Variants in BNC2 observed in about 807,000 individuals in gnomAD.
BNC2 encodes the protein zinc finger protein basonuclin-2.
In BNC2, 20 loss-of-function variants were observed where a neutral mutation model predicts 76.3. The ratio of observed to expected loss-of-function variants is 0.26; its 90% CI spans 0.18 to 0.38. BNC2 has a LOEUF of 0.38. Ranked by LOEUF, BNC2 falls within the 10% of genes least tolerant of loss-of-function variation. The probability of loss-of-function intolerance (pLI) is 1.00; values close to 1 mark genes in which losing one functional copy is unlikely to be tolerated. For missense variants in BNC2, 1,382 were observed against 1,399.8 expected, an observed-to-expected ratio of 0.99 and a Z score of 0.20; for synonymous variants, 582 against 514.8, an observed-to-expected ratio of 1.13 and a Z score of -1.77.
At chr9:16,539,182 A>T (rs1197755890) in intron 5 of BNC2, among the ~76,000 whole-genome samples, 3 of 152,120 alleles carry the variant, frequency 2.0e-5, no homozygotes, top group Non-Finnish European at 4.4e-5. Flanking sequence ...TGAATCCTCA[A>T]AACAGGGGGA....
At chr9:16,473,382 G>T (rs565303802) in intron 5 of BNC2, 3 of 152,090 alleles carry the variant, frequency 2.0e-5, no homozygotes, top group African/African-American at 7.2e-5. Context: ...AGGGATATGA[G>T]GTAGCACTTA....
intron 3 of BNC2, among the ~76,000 whole-genome samples, chr9:16,725,217 T>TCACA (rs4007689): frequency 0.13 from 18,694 of 148,076 alleles, 1,153 homozygotes; most frequent in East Asian, 0.22. Context: ...TCTCTCTCTC[T>TCACA]CACACACACA....
intron 3 of BNC2, among the ~76,000 whole-genome samples, chr9:16,615,171 A>G (rs1468566799): frequency 6.6e-6 from 1 of 152,146 alleles, no homozygotes; most frequent in African/African-American, 2.4e-5. Flanking sequence ...AATGGTGGGC[A>G]GCTCATAGGT....
chr9:16,518,139 A>T (rs1023212135), intron 5 of BNC2, among the ~76,000 whole-genome samples: 3 of 152,200 alleles, frequency 2.0e-5, no homozygotes, highest in Non-Finnish European at 2.9e-5. Context: ...AATTAAATTT[A>T]AAAATATGGC....
At chr9:16,769,139 C>A (rs1440152215) in intron 1 of BNC2, among the ~76,000 whole-genome samples, 1 of 152,182 alleles carries the variant, frequency 6.6e-6, no homozygotes, top group Non-Finnish European at 1.5e-5. Flanking sequence ...GCAGCTTAAA[C>A]TTGAAGTCAA....
At chr9:16,528,437 C>G (rs563977438) in intron 5 of BNC2, among the ~76,000 whole-genome samples, 1 of 152,238 alleles carries the variant, frequency 6.6e-6, no homozygotes, top group East Asian at 1.9e-4. Context: ...TTTCAGAACA[C>G]TGAGTTGAGA....
chr9:16,837,990 C>A (rs369566696), intron 1 of BNC2, among the ~76,000 whole-genome samples: 56 of 152,098 alleles, frequency 3.7e-4, no homozygotes, highest in Non-Finnish European at 7.4e-4. Context: ...TTTTATGATA[C>A]CTGGTATAAA....
rs989661673 is a variant in BNC2, at chr9:16,417,272, T to A, written c.*1717A>T. 2.0e-5 allele frequency: 3 copies of A among 152,632 alleles called. No homozygotes were observed. The highest frequency in any genetic ancestry group is 2.1e-4 in the South Asian group (1 of 4,830). The allele number at this position is 152,632 out of a possible 1,614,324, so 9.5% of individuals were successfully genotyped here. A position where few individuals can be genotyped will look rare whatever the true frequency, so the allele number is the denominator to read the frequency against. On this transcript the variant is annotated 3_prime_UTR_variant, in exon 7 of 7. Transcript: ENST00000380672. ...ATGTTGTGGTAGCTGAGGCTGCCGA[T>A]GTGGTTAACCAGCTCAGGCAACATG...
At chr9:16,791,882 C>A (rs1188754873) in intron 1 of BNC2, among the ~76,000 whole-genome samples, 1 of 152,132 alleles carries the variant, frequency 6.6e-6, no homozygotes, top group Non-Finnish European at 1.5e-5. Context: ...GCAGGTGGAT[C>A]ACTTAAGCCC....
intron 5 of BNC2, among the ~76,000 whole-genome samples, chr9:16,503,764 G>T (rs772624414): frequency 9.9e-5 from 15 of 152,002 alleles, no homozygotes; most frequent in Non-Finnish European, 1.8e-4. Context: ...AATATATATG[G>T]ATATACAAAC....
intron 5 of BNC2, among the ~76,000 whole-genome samples, chr9:16,507,542 C>A (rs189163635): frequency 6.6e-6 from 1 of 152,314 alleles, no homozygotes; most frequent in African/African-American, 2.4e-5. Flanking sequence ...GATTCTCCTG[C>A]CTCAGCCTCC....
intron 5 of BNC2, among the ~76,000 whole-genome samples, chr9:16,463,248 T>C (rs1261411087): frequency 1.3e-5 from 2 of 151,558 alleles, no homozygotes; most frequent in African/African-American, 4.9e-5. Flanking sequence ...TTAACAAAAA[T>C]GACTATGCTG....
At chr9:16,747,134 C>T (rs999386180) in intron 1 of BNC2, among the ~76,000 whole-genome samples, 2 of 152,082 alleles carry the variant, frequency 1.3e-5, no homozygotes, top group African/African-American at 2.4e-5. Context: ...ACAAGCACAA[C>T]CACTGCTTGA....
intron 1 of BNC2, among the ~76,000 whole-genome samples, chr9:16,813,267 T>A (rs377368390): frequency 1.5e-5 from 2 of 137,150 alleles, no homozygotes; most frequent in African/African-American, 6.0e-5. Context: ...AGAAAAACCA[T>A]TTTTTTTTTT....
In BNC2 at chr9:16,567,926, GA is replaced by G. The variant is rs560164277; in HGVS notation, c.433+15056del. The stretch of plus-strand genomic sequence containing the variant: ...GAATAAAACAATTAAAAATCTGTAC[GA>G]AAAGGGTCTAAATGGAAACCTGTTA... On this transcript the variant is annotated intron_variant, in intron 4 of 6. Coordinates refer to ENST00000380672, the MANE Select transcript of BNC2 (RefSeq NM_017637.6). Among the ~76,000 whole-genome samples the G allele has an allele frequency of 3.2e-4, 48 of 152,240 alleles. 1 individual carries two copies. The East Asian group carries it at 8.9e-3, about 28-fold the overall frequency.
chr9:16,437,302 G>C lies in BNC2; in HGVS notation c.892C>G (p.Leu298Val). Reference protein sequence around the residue: ...SNNRTRSPSLLAHLENSNPSS... With the variant: ...SNNRTRSPSLVAHLENSNPSS... ...GGATTGCTGTTCTCTAAGTGAGCAA[G>C]GAGGCTGGGACTCCTGGTGCGATTA... The change falls in exon 6 of 7, where the codon CTT becomes GTT. Residue 298 changes from leucine (L) to valine (V), a missense_variant. By Grantham distance (32) the Leu-to-Val change is conservative. This residue lies in a region of BNC2 where 557 missense variants were observed against 540.9 expected (regional missense o/e 1.03). Coordinates refer to ENST00000380672, the MANE Select transcript of BNC2 (RefSeq NM_017637.6). 6.2e-7 allele frequency: 1 copy of C among 1,614,172 alleles called. No homozygotes were observed. The highest frequency in any genetic ancestry group is 2.2e-5 in the East Asian group (1 of 44,884).
chr9:16,450,623 G>A (rs995344192), intron 5 of BNC2, among the ~76,000 whole-genome samples: 1 of 152,216 alleles, frequency 6.6e-6, no homozygotes, highest in Non-Finnish European at 1.5e-5. Context: ...CCACAGGTTT[G>A]TACAGAGAGG....
intron 4 of BNC2, chr9:16,575,480 C>T (rs10733311): frequency 0.92 from 906,333 of 982,620 alleles, 419,035 homozygotes; most frequent in East Asian, 0.98. Context: ...GCACTGTTTG[C>T]GCTGGGTTTA....
At chr9:16,719,737 G>T (rs1220361629) in intron 3 of BNC2, among the ~76,000 whole-genome samples, 1 of 152,158 alleles carries the variant, frequency 6.6e-6, no homozygotes, top group Non-Finnish European at 1.5e-5. Context: ...CTCCTCATGT[G>T]TTATGTATAC....
Sources: gnomAD v4.1 joint callset for allele counts (sites outside exome capture counted in the v4.1 genomes callset) on GRCh38, gnomAD v4.1.1 for gene constraint, gnomAD v4.1.1 regional missense constraint, MANE v1.5 for transcripts, NCBI Gene and HGNC (gene_info 2026-07-23, HGNC 2026-07-21) for gene names.